OR9Q1: variants seen among roughly 807,000 people sequenced by gnomAD.
OR9Q1 encodes olfactory receptor 9Q1.
For synonymous variants in OR9Q1, 153 were observed against 148.6 expected (o/e 1.03, Z -0.22); for missense variants, 374 against 378.8 (o/e 0.99, Z 0.11).
chr11:58,099,311 TATA>T (rs958952734), intron 2 of OR9Q1, among the ~76,000 whole-genome samples: 3 of 82,964 alleles, frequency 3.6e-5, no homozygotes, highest in African/African-American at 1.1e-4. Context: ...TATAACATAA[TATA>T]ATATATAAAA....
At chr11:58,117,994 G>C (rs1245873041) in intron 2 of OR9Q1, 1 of 152,464 alleles carries the variant, frequency 6.6e-6, no homozygotes, top group East Asian at 1.9e-4. Context: ...TGGCCAGTTG[G>C]AGACTGAGTT....
intron 2 of OR9Q1, among the ~76,000 whole-genome samples, chr11:58,170,826 T>C (rs560741679): frequency 3.9e-5 from 6 of 152,286 alleles, no homozygotes; most frequent in East Asian, 1.9e-4. Flanking sequence ...TCCATTAAAC[T>C]TTTTTTCTTT....
chr11:58,175,158 A>G (rs752201627), intron 2 of OR9Q1, among the ~76,000 whole-genome samples: 1 of 151,380 alleles, frequency 6.6e-6, no homozygotes, highest in East Asian at 1.9e-4. Flanking sequence ...ACAACAATAT[A>G]TAAAAATTTT....
intron 1 of OR9Q1, among the ~76,000 whole-genome samples, chr11:58,037,698 T>G (rs1337260601): frequency 2.7e-3 from 17 of 6,376 alleles, no homozygotes; most frequent in Non-Finnish European, 3.4e-3. Flanking sequence ...TATTTTTTTT[T>G]TTTTTTTTTT....
At chr11:58,161,717 A>C (rs186804682) in intron 2 of OR9Q1, among the ~76,000 whole-genome samples, 2 of 152,118 alleles carry the variant, frequency 1.3e-5, no homozygotes, top group African/African-American at 4.8e-5. Context: ...TTTTTAGTAG[A>C]GATGGGGTTT....
chr11:58,101,827 A>C (rs2120087405), intron 2 of OR9Q1, among the ~76,000 whole-genome samples: 1 of 152,234 alleles, frequency 6.6e-6, no homozygotes, highest in South Asian at 2.1e-4. Context: ...GCTCACTGCA[A>C]CTTCCGCCTC....
intron 1 of OR9Q1, among the ~76,000 whole-genome samples, chr11:58,038,828 G>A (rs926159657): frequency 6.6e-6 from 1 of 151,896 alleles, no homozygotes; most frequent in African/African-American, 2.4e-5. Context: ...CGTTTTTCAG[G>A]GTTCTTAGTC....
At chr11:58,064,307 C>T (rs971790539) in intron 2 of OR9Q1, among the ~76,000 whole-genome samples, 3 of 152,336 alleles carry the variant, frequency 2.0e-5, no homozygotes, top group African/African-American at 4.8e-5. Flanking sequence ...ACTCGTCTCC[C>T]GTTTTGTAGA....
chr11:58,180,618 C>T lies in OR9Q1; in HGVS notation c.*241C>T. 1 of 372,444 alleles carries T rather than the reference C, an allele frequency of 2.7e-6. No homozygotes were observed. 23.1% of individuals were successfully genotyped at this position (372,444 alleles called of 1,614,324 possible). A position where few individuals can be genotyped will look rare whatever the true frequency, so the allele number is the denominator to read the frequency against. On this transcript the variant is annotated 3_prime_UTR_variant, in exon 3 of 3. Transcript: ENST00000335397. ...GTGACAAAAGGATTTGAAATTAAAG[C>T]CTGTGCAATCCAAATATGGCACACT...
chr11:58,025,178 T>C (rs572203026), intron 1 of OR9Q1, among the ~76,000 whole-genome samples: 3 of 152,250 alleles, frequency 2.0e-5, no homozygotes, highest in Admixed American at 6.5e-5. Flanking sequence ...GCTCCGTAAA[T>C]GACCCTTTCT....
intron 2 of OR9Q1, among the ~76,000 whole-genome samples, chr11:58,178,284 G>C (rs763538265): frequency 2.0e-5 from 3 of 152,150 alleles, no homozygotes; most frequent in Admixed American, 6.5e-5. Context: ...AAATATTTAA[G>C]GTGGTGGACA....
chr11:58,109,400 C>T, intron 2 of OR9Q1: 1 of 458,830 alleles, frequency 2.2e-6, no homozygotes, highest in Non-Finnish European at 4.4e-6. Context: ...ACTGTCTTGT[C>T]TGTGGCCAGT....
chr11:58,109,263 G>A, intron 2 of OR9Q1: 1 of 463,064 alleles, frequency 2.2e-6, no homozygotes. Context: ...TCATGGTCAT[G>A]TTACAGTGCA....
intron 2 of OR9Q1, among the ~76,000 whole-genome samples, chr11:58,084,531 A>G (rs1853617343): frequency 6.6e-6 from 1 of 151,918 alleles, no homozygotes. Flanking sequence ...ATATGCATGC[A>G]TAAATCCTCA....
chr11:58,101,857 C>T (rs916756991), intron 2 of OR9Q1, among the ~76,000 whole-genome samples: 3 of 152,196 alleles, frequency 2.0e-5, no homozygotes, highest in East Asian at 1.9e-4. Context: ...AGAGATTCTC[C>T]TGCCTCAGCC....
chr11:58,144,714 G>A (rs902040635), intron 2 of OR9Q1: 16 of 152,348 alleles, frequency 1.1e-4, no homozygotes, highest in African/African-American at 3.6e-4. Context: ...TCTGTTATTG[G>A]TCCTCAGTTG....
intron 2 of OR9Q1, among the ~76,000 whole-genome samples, chr11:58,081,150 T>C (rs1853583821): frequency 6.6e-6 from 1 of 152,208 alleles, no homozygotes; most frequent in African/African-American, 2.4e-5. Flanking sequence ...CATGAACTCA[T>C]CCTTTTTTGT....
intron 2 of OR9Q1, among the ~76,000 whole-genome samples, chr11:58,081,793 C>CTTTTTTTTTTTTTTTTTT (rs201892501): frequency 7.8e-6 from 1 of 128,154 alleles, no homozygotes; most frequent in Non-Finnish European, 1.6e-5. Flanking sequence ...ATGATAGTTT[C>CTTTTTTTTTTTTTTTTTT]TTTTTTTTTT....
intron 1 of OR9Q1, among the ~76,000 whole-genome samples, chr11:58,038,805 G>T (rs1853132094): frequency 6.6e-6 from 1 of 152,000 alleles, no homozygotes; most frequent in African/African-American, 2.4e-5. Context: ...TACCTGTGCT[G>T]GGATTTCTAT....
Sources: gnomAD v4.1 joint callset for allele counts (sites outside exome capture counted in the v4.1 genomes callset) on GRCh38, gnomAD v4.1.1 for gene constraint, MANE v1.5 for transcripts, NCBI Gene and HGNC (gene_info 2026-07-23, HGNC 2026-07-21) for gene names.